Variants in COX7B2 observed in about 807,000 individuals in gnomAD.
The protein encoded by COX7B2 is cytochrome c oxidase subunit 7B2, also known as cytochrome c oxidase subunit 7B2, mitochondrial.
For synonymous variants in COX7B2, 37 were observed against 32.1 expected (o/e 1.15, Z -0.51); for missense variants, 109 against 95.9 (o/e 1.14, Z -0.57).
chr4:46,771,678 G>T (rs1457500383), intron 2 of COX7B2, among the ~76,000 whole-genome samples: 1 of 151,808 alleles, frequency 6.6e-6, no homozygotes, highest in Non-Finnish European at 1.5e-5. Context: ...AATACTCACT[G>T]GAGCATTTCA....
chr4:46,748,935 A>G (rs1715182814), intron 2 of COX7B2, among the ~76,000 whole-genome samples: 1 of 152,180 alleles, frequency 6.6e-6, no homozygotes, highest in Non-Finnish European at 1.5e-5. Flanking sequence ...ATCTGCATAT[A>G]TGAACTCTCT....
At chr4:46,780,251 T>C (rs1010059132) in intron 2 of COX7B2, among the ~76,000 whole-genome samples, 14 of 152,184 alleles carry the variant, frequency 9.2e-5, no homozygotes, top group African/African-American at 3.1e-4. Flanking sequence ...GCACGGTGGC[T>C]CACACCTGTA....
chr4:46,808,570 CTA>C (rs1400076134), intron 2 of COX7B2, among the ~76,000 whole-genome samples: 2 of 151,756 alleles, frequency 1.3e-5, no homozygotes, highest in Non-Finnish European at 3.0e-5. Flanking sequence ...ACTTTCAGTA[CTA>C]TATTTAATAG....
At chr4:46,874,866 T>C (rs778615273) in intron 1 of COX7B2, among the ~76,000 whole-genome samples, 9 of 152,212 alleles carry the variant, frequency 5.9e-5, no homozygotes, top group Non-Finnish European at 1.2e-4. Context: ...TGTTTGTACA[T>C]AGACGTATAA....
chr4:46,753,693 A>G (rs1199945988), intron 2 of COX7B2, among the ~76,000 whole-genome samples: 6 of 152,084 alleles, frequency 3.9e-5, no homozygotes, highest in Non-Finnish European at 7.4e-5. Context: ...CAATGGCAAC[A>G]AAAACCAAAA....
chr4:46,891,242 C>T (rs778997285), intron 1 of COX7B2, among the ~76,000 whole-genome samples: 4 of 152,126 alleles, frequency 2.6e-5, no homozygotes, highest in Non-Finnish European at 5.9e-5. Context: ...TTTAAGTAGA[C>T]ATTTGAATAT....
At chr4:46,769,651 G>A (rs534681247) in intron 2 of COX7B2, among the ~76,000 whole-genome samples, 3 of 152,222 alleles carry the variant, frequency 2.0e-5, no homozygotes, top group South Asian at 2.1e-4. Context: ...GGGAGGCAGC[G>A]ATTGCAGTGA....
intron 1 of COX7B2, among the ~76,000 whole-genome samples, chr4:46,885,635 C>G (rs929561701): frequency 6.6e-6 from 1 of 152,070 alleles, no homozygotes; most frequent in South Asian, 2.1e-4. Flanking sequence ...AAGATACAAC[C>G]TTTCTCTTCA....
intron 2 of COX7B2, among the ~76,000 whole-genome samples, chr4:46,817,505 A>G (rs1435044557): frequency 2.0e-5 from 3 of 152,062 alleles, no homozygotes; most frequent in Non-Finnish European, 4.4e-5. Flanking sequence ...TTTTTACTGT[A>G]CTCTTTTCTC....
chr4:46,778,970 G>A (rs1260854417), intron 2 of COX7B2, among the ~76,000 whole-genome samples: 1 of 152,098 alleles, frequency 6.6e-6, no homozygotes, highest in African/African-American at 2.4e-5. Context: ...ACAAATGTTA[G>A]TTGTTATTCT....
intron 2 of COX7B2, among the ~76,000 whole-genome samples, chr4:46,819,303 G>T (rs1223223943): frequency 2.6e-5 from 4 of 152,108 alleles, no homozygotes; most frequent in African/African-American, 9.7e-5. Flanking sequence ...CTCTACAGAG[G>T]TATATCGACT....
At chr4:46,873,624 T>C (rs1162602344) in intron 1 of COX7B2, among the ~76,000 whole-genome samples, 1 of 152,176 alleles carries the variant, frequency 6.6e-6, no homozygotes, top group Non-Finnish European at 1.5e-5. Context: ...AATTAATACA[T>C]AAATCACCTA....
intron 1 of COX7B2, among the ~76,000 whole-genome samples, chr4:46,899,968 A>G (rs1719986239): frequency 6.6e-6 from 1 of 152,168 alleles, no homozygotes; most frequent in East Asian, 1.9e-4. Flanking sequence ...GCCTCCTTCA[A>G]CATGGAAATA....
At chr4:46,747,548 C>T (rs1021073024) in intron 2 of COX7B2, among the ~76,000 whole-genome samples, 5 of 152,142 alleles carry the variant, frequency 3.3e-5, no homozygotes, top group African/African-American at 7.2e-5. Flanking sequence ...GTGATCCACC[C>T]GCCTCAGTGT....
intron 2 of COX7B2, among the ~76,000 whole-genome samples, chr4:46,786,166 A>G (rs1401464994): frequency 2.6e-5 from 4 of 152,228 alleles, no homozygotes; most frequent in Admixed American, 1.3e-4. Context: ...CAACCAAGCT[A>G]CTTAGTCATA....
At chr4:46,767,856 T>C (rs1382001439) in intron 2 of COX7B2, among the ~76,000 whole-genome samples, 1 of 152,218 alleles carries the variant, frequency 6.6e-6, no homozygotes, top group African/African-American at 2.4e-5. Flanking sequence ...GAGTTTATAG[T>C]GATAATGAGG....
rs955636364 is a variant in COX7B2 at position 46,909,144 on chromosome 4, A to C, written c.-105+16T>G. 3 of 152,202 alleles carry C rather than the reference A, an allele frequency of 2.0e-5. No individual in the cohort carries two copies. Among genetic ancestry groups the C allele is most frequent in the Non-Finnish European group, 2.9e-5 (2 of 68,050 alleles). The allele number at this position is 152,202 out of a possible 1,614,324, so 9.4% of individuals were successfully genotyped here. ...TCAGCTTACTGACAACGAACCCCAG[A>C]ATGAGACAAACTTACCAAGGACGTC... On this transcript the variant is annotated intron_variant, in intron 1 of 2. Transcript: ENST00000355591.
At chr4:46,789,463 T>G (rs569102214) in intron 2 of COX7B2, among the ~76,000 whole-genome samples, 1 of 152,308 alleles carries the variant, frequency 6.6e-6, no homozygotes, top group African/African-American at 2.4e-5. Flanking sequence ...AAAAATATAT[T>G]TTTGAGTTGT....
intron 1 of COX7B2, among the ~76,000 whole-genome samples, chr4:46,848,093 T>C (rs1243826911): frequency 6.6e-6 from 1 of 152,034 alleles, no homozygotes; most frequent in Non-Finnish European, 1.5e-5. Context: ...GGAGTCCTTG[T>C]AACCTAGCCA....
Sources: allele counts gnomAD v4.1 joint callset (sites outside exome capture counted in the v4.1 genomes callset), GRCh38; gene constraint gnomAD v4.1.1; transcripts MANE v1.5; gene names NCBI Gene and HGNC (gene_info 2026-07-23, HGNC 2026-07-21).